Variants in USP28 observed in about 807,000 individuals in gnomAD.
USP28 encodes ubiquitin specific peptidase 28, also known as ubiquitin carboxyl-terminal hydrolase 28.
USP28 carries 113 observed loss-of-function variants against 145.0 expected under a neutral mutation model. That is an observed-to-expected ratio of 0.78 (90% CI 0.67 to 0.91). The LOEUF is 0.91. Among genes scored for constraint, USP28 ranks in the 40% least tolerant of loss-of-function variants. The probability of loss-of-function intolerance (pLI) is 0.00; values close to 1 mark genes in which losing one functional copy is unlikely to be tolerated. For synonymous variants in USP28, 447 were observed against 450.9 expected, an observed-to-expected ratio of 0.99 and a Z score of 0.11; for missense variants, 1,201 against 1,289.6, an observed-to-expected ratio of 0.93 and a Z score of 1.05.
rs1293274375 is a variant in USP28 at position 113,834,241 on chromosome 11, C to T, written c.621+8G>A. 3 of 1,604,238 alleles carry T rather than the reference C, an allele frequency of 1.9e-6. No homozygotes were observed. The highest frequency in any genetic ancestry group is 2.6e-6 in the Non-Finnish European group (3 of 1,174,540). On this transcript the variant is annotated splice_region_variant and intron_variant, in intron 6 of 24. Coordinates refer to ENST00000003302, the Ensembl canonical transcript of USP28. ...CAACAGTGAAGAAATTCCTTGACAC[C>T]AACTTACTGTATGACTTCGACAATT...
At chr11:113,869,725 C>T (rs1480586235) in intron 1 of USP28, among the ~76,000 whole-genome samples, 1 of 152,170 alleles carries the variant, frequency 6.6e-6, no homozygotes, top group Admixed American at 6.5e-5. Context: ...ACGAGTAATA[C>T]AAGTGTACAT....
chr11:113,822,458 CAGAGAGAGAGAGAGAG>C (rs10524675), intron 12 of USP28: 12,534 of 136,464 alleles, frequency 0.092, 563 homozygotes, highest in Middle Eastern at 0.15. Context: ...TCAAAAAAAA[CAGAGAGAGAGAGAGAG>C]AGAGAGAGAG....
intron 9 of USP28, 74 bp from the exon 10 acceptor site, chr11:113,829,419 GACA>G (rs766633131): frequency 5.1e-6 from 8 of 1,563,232 alleles, no homozygotes; most frequent in East Asian, 2.2e-5. Context: ...GCTCCACAGA[GACA>G]ACATTTTAAA....
intron 1 of USP28, among the ~76,000 whole-genome samples, chr11:113,858,809 C>G (rs917647965): frequency 1.3e-5 from 2 of 152,140 alleles, no homozygotes; most frequent in Non-Finnish European, 2.9e-5. Flanking sequence ...GAGGATTCAT[C>G]ATGTTGGCCA....
At chr11:113,839,660 G>T (rs1479543504) in intron 5 of USP28, among the ~76,000 whole-genome samples, 1 of 151,906 alleles carries the variant, frequency 6.6e-6, no homozygotes, top group Admixed American at 6.6e-5. Context: ...AGGCTGAGGC[G>T]GGCGGAACAC....
chr11:113,830,756 G>A, intron 9 of USP28, 111 bp downstream of exon 9: 2 of 942,544 alleles, frequency 2.1e-6, no homozygotes, highest in Non-Finnish European at 3.2e-6. Flanking sequence ...AATATTCAGA[G>A]CTGAGTACTG....
At chr11:113,826,950 G>A (rs1057028948) in intron 11 of USP28, among the ~76,000 whole-genome samples, 1 of 150,256 alleles carries the variant, frequency 6.7e-6, no homozygotes, top group Non-Finnish European at 1.5e-5. Flanking sequence ...ATTCTATAAT[G>A]TAAGTCTGCT....
chr11:113,832,365 G>A (rs575777464), intron 7 of USP28, among the ~76,000 whole-genome samples: 80 of 152,194 alleles, frequency 5.3e-4, no homozygotes, highest in Admixed American at 9.2e-4. Context: ...CTGCCTCGGC[G>A]TCGCAAGTGC....
At chr11:113,874,872 T>C (rs555270781) in intron 1 of USP28, 4 of 1,002,458 alleles carry the variant, frequency 4.0e-6, no homozygotes, top group South Asian at 4.0e-5. Context: ...CTCCCCCTCC[T>C]TAAAAATCTA....
chr11:113,846,605 TGGATA>T (rs1232204625), intron 3 of USP28, among the ~76,000 whole-genome samples: 1 of 152,246 alleles, frequency 6.6e-6, no homozygotes, highest in Non-Finnish European at 1.5e-5. Flanking sequence ...CATTTAAGAA[TGGATA>T]AAGTATTTAA....
intron 1 of USP28, chr11:113,859,387 C>T (rs1947403411): frequency 6.6e-6 from 1 of 152,204 alleles, no homozygotes; most frequent in South Asian, 2.1e-4. Flanking sequence ...TGGAACAATA[C>T]AGAGATTAGC....
chr11:113,827,095 C>T (rs182589560), intron 11 of USP28, 138 bp downstream of exon 11: 2 of 1,080,206 alleles, frequency 1.9e-6, no homozygotes, highest in Non-Finnish European at 2.6e-6. Context: ...AGGCAAAGAC[C>T]CTCAACCTAG....
chr11:113,873,153 T>C (rs1949002813), intron 1 of USP28, among the ~76,000 whole-genome samples: 1 of 152,162 alleles, frequency 6.6e-6, no homozygotes, highest in African/African-American at 2.4e-5. Flanking sequence ...AAAGAATCCA[T>C]TCTAACATGA....
chr11:113,831,952 T>C (rs1205357938), exon 8 of USP28: 1 of 1,614,000 alleles, frequency 6.2e-7, no homozygotes, highest in South Asian at 1.1e-5. Context: ...ATGCGTCCTC[T>C]AGCCAATCCA....
At chr11:113,805,167 G>A (rs953917148) in intron 19 of USP28, 121 bp from the exon 21 acceptor site, 26 of 862,130 alleles carry the variant, frequency 3.0e-5, no homozygotes, top group South Asian at 5.4e-5. Context: ...AATTCATATC[G>A]AATTACAAAA....
At chr11:113,853,904 T>TAC (rs1224633585) in intron 2 of USP28, among the ~76,000 whole-genome samples, 17 of 129,358 alleles carry the variant, frequency 1.3e-4, no homozygotes, top group African/African-American at 5.0e-4. Context: ...TATATATATA[T>TAC]ACATACCTTA....
intron 3 of USP28, among the ~76,000 whole-genome samples, chr11:113,842,968 C>T (rs764349227): frequency 2.6e-5 from 4 of 152,016 alleles, no homozygotes; most frequent in Admixed American, 6.6e-5. Context: ...TGGTGGCTCA[C>T]GCCTTTAATC....
intron 12 of USP28, chr11:113,821,638 C>T: frequency 5.3e-6 from 1 of 190,216 alleles, no homozygotes; most frequent in Non-Finnish European, 1.1e-5. Context: ...CTGCTGGAGG[C>T]AGCTGCCTTC....
At chr11:113,832,308 C>T (rs183440396) in intron 7 of USP28, among the ~76,000 whole-genome samples, 2 of 152,218 alleles carry the variant, frequency 1.3e-5, no homozygotes, top group Non-Finnish European at 2.9e-5. Context: ...CGGGGTTTCA[C>T]CATGTTGGCC....
Sources: allele counts gnomAD v4.1 joint callset (sites outside exome capture counted in the v4.1 genomes callset), GRCh38; gene constraint gnomAD v4.1.1; transcripts MANE v1.5; gene names NCBI Gene and HGNC (gene_info 2026-07-23, HGNC 2026-07-21).